The following AVEN variants were observed in gnomAD, a reference collection of about 807,000 sequenced individuals.
The protein encoded by AVEN is apoptosis and caspase activation inhibitor.
A neutral mutation model predicts 38.1 loss-of-function variants in AVEN; 41 were observed. The ratio of observed to expected loss-of-function variants is 1.08; its 90% CI spans 0.84 to 1.40. The LOEUF is 1.40. Ranked by LOEUF, AVEN falls within the 40% of genes most tolerant of loss-of-function variation. The probability of loss-of-function intolerance (pLI) is 0.00; values close to 1 mark genes in which losing one functional copy is unlikely to be tolerated. For missense variants in AVEN, 605 were observed against 438.8 expected (o/e 1.38, Z -3.38); for synonymous variants, 206 against 171.8 (o/e 1.20, Z -1.56).
At chr15:33,854,719 C>T, downstream of AVEN, 2 of 1,567,778 alleles carry the variant, frequency 1.3e-6, no homozygotes, top group Non-Finnish European at 1.7e-6. Context: ...ATAATGAGCA[C>T]ACTATGAGGC....
At chr15:33,901,133 G>T (rs528662055) in intron 2 of AVEN, among the ~76,000 whole-genome samples, 1 of 152,266 alleles carries the variant, frequency 6.6e-6, no homozygotes, top group African/African-American at 2.4e-5. Context: ...TGGGTGTGGT[G>T]GTAGGCGCCT....
intron 1 of AVEN, among the ~76,000 whole-genome samples, chr15:34,029,628 A>G (rs1898675771): frequency 6.6e-6 from 1 of 152,200 alleles, no homozygotes; most frequent in Non-Finnish European, 1.5e-5. Context: ...GCAGCAAAAC[A>G]AAACACAACA....
intron 2 of AVEN, among the ~76,000 whole-genome samples, chr15:33,992,267 G>C (rs1046149790): frequency 3.3e-5 from 5 of 152,282 alleles, no homozygotes; most frequent in Non-Finnish European, 7.4e-5. Flanking sequence ...GCGGGCACCT[G>C]TAGTCCCAGC....
intron 1 of AVEN, among the ~76,000 whole-genome samples, chr15:34,008,839 G>A (rs1897494763): frequency 6.6e-6 from 1 of 151,974 alleles, no homozygotes; most frequent in Non-Finnish European, 1.5e-5. Context: ...TAGTGTATAT[G>A]CAAAGAGATT....
At chr15:33,918,029 G>C (rs2153047054) in intron 2 of AVEN, among the ~76,000 whole-genome samples, 1 of 152,244 alleles carries the variant, frequency 6.6e-6, no homozygotes, top group South Asian at 2.1e-4. Context: ...ATTAATTACA[G>C]GTTGAAATAA....
At chr15:34,052,011 C>A (rs1204001110) in intron 5 of AVEN, among the ~76,000 whole-genome samples, 3 of 152,144 alleles carry the variant, frequency 2.0e-5, no homozygotes, top group African/African-American at 7.2e-5. Context: ...CCAGCATCAT[C>A]CTGATACCAA....
chr15:33,866,980 A>G (rs1890596661), intron 5 of AVEN, among the ~76,000 whole-genome samples: 1 of 151,948 alleles, frequency 6.6e-6, no homozygotes, highest in South Asian at 2.1e-4. Flanking sequence ...TTTTACTATT[A>G]TTATTGCAGC....
At chr15:34,073,142 G>A (rs1459163692) in intron 1 of AVEN, among the ~76,000 whole-genome samples, 2 of 149,150 alleles carry the variant, frequency 1.3e-5, no homozygotes, top group Admixed American at 6.7e-5. Flanking sequence ...CCGGGTTCAC[G>A]CCATTCTCCT....
intron 2 of AVEN, among the ~76,000 whole-genome samples, chr15:33,889,611 T>C (rs566128162): frequency 6.6e-6 from 1 of 152,170 alleles, no homozygotes; most frequent in East Asian, 1.9e-4. Flanking sequence ...AAAATACGCA[T>C]CCAACTTGCC....
chr15:33,959,219 TTACTC>T (rs1955143583), intron 2 of AVEN, among the ~76,000 whole-genome samples: 1 of 152,130 alleles, frequency 6.6e-6, no homozygotes, highest in Non-Finnish European at 1.5e-5. Flanking sequence ...GCAGAATTAA[TTACTC>T]TCCTCTCTGA....
chr15:34,042,313 A>G (rs1360681515), upstream of AVEN, among the ~76,000 whole-genome samples: 2 of 152,194 alleles, frequency 1.3e-5, no homozygotes, highest in East Asian at 1.9e-4. Flanking sequence ...ATGAGTATCA[A>G]AACCAAAGTG....
chr15:34,047,309 C>A (rs1329236724), intron 5 of AVEN, among the ~76,000 whole-genome samples: 2 of 152,132 alleles, frequency 1.3e-5, no homozygotes, highest in Admixed American at 6.5e-5. Context: ...GATCTCCTGA[C>A]CTGATGATCC....
Position 34,017,224 on chromosome 15 carries a change from A to G in AVEN, c.268-14015T>C, listed in dbSNP as rs537222744. Reference sequence around the variant, plus strand: ...CCACCCACTCTGTTCACCTATTAACAATTCATCCAAAAGCCTAGAACTGAG... The same window carrying G: ...CCACCCACTCTGTTCACCTATTAACGATTCATCCAAAAGCCTAGAACTGAG... On this transcript the variant is annotated intron_variant, in intron 1 of 5. Transcript: ENST00000306730. Among the ~76,000 whole-genome samples, 4 of 152,276 alleles carry G rather than the reference A, an allele frequency of 2.6e-5. No homozygotes were observed. In the East Asian group the frequency reaches 7.7e-4, roughly 29 times the overall value.
intron 2 of AVEN, among the ~76,000 whole-genome samples, chr15:33,918,607 C>T (rs1893259590): frequency 6.6e-6 from 1 of 151,250 alleles, no homozygotes; most frequent in Non-Finnish European, 1.5e-5. Flanking sequence ...CGCACACCAC[C>T]AAGCCTGGCT....
intron 2 of AVEN, among the ~76,000 whole-genome samples, chr15:33,893,262 T>C (rs535922958): frequency 2.6e-5 from 4 of 152,226 alleles, no homozygotes; most frequent in South Asian, 2.1e-4. Flanking sequence ...CTATGTTGAA[T>C]AGGAGTGGTG....
chr15:34,053,319 A>AAAAAAAAAATATATATATATAT, intron 5 of AVEN, among the ~76,000 whole-genome samples: 1 of 42,102 alleles, frequency 2.4e-5, no homozygotes, highest in African/African-American at 8.0e-5. Flanking sequence ...AAAAAAAAAA[A>AAAAAAAAAATATATATATATAT]ATATATATAT....
intron 2 of AVEN, among the ~76,000 whole-genome samples, chr15:33,962,873 T>TCGCGC (rs1304933701): frequency 2.2e-5 from 3 of 136,836 alleles, no homozygotes; most frequent in African/African-American, 9.0e-5. Flanking sequence ...TGAGCCGAGA[T>TCGCGC]CGCGCCACTG....
intron 2 of AVEN, among the ~76,000 whole-genome samples, chr15:33,877,360 C>T (rs572714554): frequency 1.3e-5 from 2 of 152,282 alleles, no homozygotes; most frequent in African/African-American, 4.8e-5. Flanking sequence ...AAGGCATCAA[C>T]ACTGAAAAGC....
At chr15:33,945,541 T>C (rs1414712504) in intron 2 of AVEN, among the ~76,000 whole-genome samples, 2 of 152,142 alleles carry the variant, frequency 1.3e-5, no homozygotes, top group East Asian at 3.9e-4. Context: ...GCACAGGAGC[T>C]CTTCATGATT....
Sources: gnomAD v4.1 joint callset for allele counts (sites outside exome capture counted in the v4.1 genomes callset) on GRCh38, gnomAD v4.1.1 for gene constraint, MANE v1.5 for transcripts, NCBI Gene and HGNC (gene_info 2026-07-23, HGNC 2026-07-21) for gene names.